Variants in ATAD2 observed in about 807,000 individuals in gnomAD.
ATAD2 encodes ATPase family AAA domain-containing protein 2.
Under a neutral mutation model 168.9 loss-of-function variants are expected in ATAD2, and 62 were observed. That is an observed-to-expected ratio of 0.37 (90% CI 0.30 to 0.45). The LOEUF (loss-of-function observed/expected upper bound fraction) is 0.45. Among genes scored for constraint, ATAD2 ranks in the 20% least tolerant of loss-of-function variants. The probability of loss-of-function intolerance (pLI) is 1.00; values close to 1 mark genes in which losing one functional copy is unlikely to be tolerated. For synonymous variants in ATAD2, 613 were observed against 571.6 expected, an observed-to-expected ratio of 1.07 and a Z score of -1.03; for missense variants, 1,419 against 1,667.8, an observed-to-expected ratio of 0.85 and a Z score of 2.60.
intron 19 of ATAD2, among the ~76,000 whole-genome samples, chr8:123,341,407 C>A (rs1828057645): frequency 6.6e-6 from 1 of 152,126 alleles, no homozygotes; most frequent in South Asian, 2.1e-4. Flanking sequence ...ATCTTTATTT[C>A]AAATCTCAAA....
chr8:123,384,634 C>T (rs1002638990), intron 1 of ATAD2, among the ~76,000 whole-genome samples: 1 of 152,224 alleles, frequency 6.6e-6, no homozygotes, highest in African/African-American at 2.4e-5. Flanking sequence ...CCATGCAAGG[C>T]ATTTTCAAGA....
In ATAD2 at chr8:123,336,539, T is replaced by G. The variant is rs745600838; in HGVS notation, c.3052-7A>C. On this transcript the variant is annotated splice_polypyrimidine_tract_variant and splice_region_variant and intron_variant, in intron 21 of 27. Coordinates refer to ENST00000287394, the MANE Select transcript of ATAD2 (RefSeq NM_014109.4). ...CAGTGACATAATCAGGAACCTAAAA[T>G]TCAAGCAAATGATCAAATCACAAAA... 2 of 1,493,606 alleles carry G rather than the reference T, an allele frequency of 1.3e-6. No homozygotes were observed. Among genetic ancestry groups the G allele is most frequent in the South Asian group, 2.9e-5 (2 of 69,516 alleles). The allele number at this position is 1,493,606 out of a possible 1,614,324, so 92.5% of individuals were successfully genotyped here.
intron 19 of ATAD2, among the ~76,000 whole-genome samples, chr8:123,343,912 G>A (rs1331895634): frequency 6.6e-6 from 1 of 152,220 alleles, no homozygotes; most frequent in Non-Finnish European, 1.5e-5. Flanking sequence ...TGACAGGCAA[G>A]TATGTAAGAG....
chr8:123,326,173 T>TTC, intron 25 of ATAD2, 147 bp from the exon 26 acceptor site: 1 of 818,748 alleles, frequency 1.2e-6, no homozygotes, highest in Non-Finnish European at 1.9e-6. Flanking sequence ...TGTTATAAGA[T>TTC]TAAGATACTG....
chr8:123,393,330 G>C (rs1377945750), intron 1 of ATAD2, among the ~76,000 whole-genome samples: 1 of 152,016 alleles, frequency 6.6e-6, no homozygotes, highest in Admixed American at 6.6e-5. Context: ...GAGCAACATA[G>C]TGAGACTCCA....
intron 1 of ATAD2, among the ~76,000 whole-genome samples, chr8:123,383,855 G>A (rs776033352): frequency 1.3e-5 from 2 of 151,742 alleles, no homozygotes; most frequent in Non-Finnish European, 2.9e-5. Flanking sequence ...AGGCTGAGGC[G>A]AGGGGCTCAT....
At chr8:123,346,786 G>C in intron 16 of ATAD2, 36 bp from the exon 17 acceptor site, 1 of 1,537,542 alleles carries the variant, frequency 6.5e-7, no homozygotes, top group Non-Finnish European at 8.8e-7. Flanking sequence ...AGTAACTTTT[G>C]GATTGCAAAG....
At chr8:123,381,756 T>C (rs903583779) in intron 1 of ATAD2, among the ~76,000 whole-genome samples, 4 of 151,938 alleles carry the variant, frequency 2.6e-5, no homozygotes, top group Non-Finnish European at 4.4e-5. Flanking sequence ...CAAAAAAAGA[T>C]AGGGCCAGGC....
At chr8:123,399,796 G>C (rs1157869717), upstream of ATAD2, among the ~76,000 whole-genome samples, 3 of 152,014 alleles carry the variant, frequency 2.0e-5, no homozygotes, top group Non-Finnish European at 2.9e-5. Context: ...AGAGGTTGCG[G>C]TGAGCCGAGA....
chr8:123,358,723 C>CTTTT (rs772822406), intron 11 of ATAD2, among the ~76,000 whole-genome samples: 21 of 76,838 alleles, frequency 2.7e-4, no homozygotes, highest in Admixed American at 8.4e-4. Flanking sequence ...TGGTACATTA[C>CTTTT]TTTTTTTTTT....
intron 19 of ATAD2, 174 bp downstream of exon 19, chr8:123,344,710 A>T: frequency 1.5e-6 from 1 of 684,752 alleles, no homozygotes; most frequent in Non-Finnish European, 2.5e-6. Context: ...ACATATACAT[A>T]TACCATCTTG....
At chr8:123,353,332 C>T (rs1251149071) in intron 13 of ATAD2, among the ~76,000 whole-genome samples, 2 of 152,128 alleles carry the variant, frequency 1.3e-5, no homozygotes, top group African/African-American at 4.8e-5. Context: ...CCACTGCACT[C>T]CAGCCTGGGT....
At chr8:123,330,591 T>C (rs1827751540) in intron 24 of ATAD2, among the ~76,000 whole-genome samples, 1 of 151,886 alleles carries the variant, frequency 6.6e-6, no homozygotes, top group South Asian at 2.1e-4. Flanking sequence ...CTCGATCACA[T>C]GACCTCGTGA....
chr8:123,395,558 T>C (rs1215436036), intron 1 of ATAD2, among the ~76,000 whole-genome samples: 2 of 152,330 alleles, frequency 1.3e-5, no homozygotes, highest in East Asian at 3.9e-4. Context: ...ATCCGTTTCT[T>C]CATCTGTCAA....
chr8:123,331,599 GGTACTACAGCT>G (rs1481315173), intron 24 of ATAD2, among the ~76,000 whole-genome samples: 3 of 152,088 alleles, frequency 2.0e-5, no homozygotes, highest in Non-Finnish European at 4.4e-5. Flanking sequence ...GAAAGGGCAG[GGTACTACAGCT>G]GCAGACCTCA....
chr8:123,412,377 C>T (rs1454385908), intron 1 of ATAD2, among the ~76,000 whole-genome samples: 3 of 152,158 alleles, frequency 2.0e-5, no homozygotes, highest in African/African-American at 7.2e-5. Context: ...TTACACCCTG[C>T]TCAGAGCTAT....
At chr8:123,403,465 G>A (rs747594265) in intron 1 of ATAD2, among the ~76,000 whole-genome samples, 7 of 148,760 alleles carry the variant, frequency 4.7e-5, no homozygotes, top group Non-Finnish European at 7.4e-5. Context: ...TCCCTATGTT[G>A]CCCAGGCTGC....
At chr8:123,400,828 G>T (rs1456754852), upstream of ATAD2, 4 of 1,235,632 alleles carry the variant, frequency 3.2e-6, no homozygotes, top group East Asian at 9.3e-5. This position sits in a 1 kb window ranked among gnomAD's most constrained non-coding sequence, Gnocchi z 4.5. Context: ...GATGGCTCTG[G>T]TGGGAGGTAT....
At chr8:123,362,977 C>T (rs1439282901) in intron 8 of ATAD2, among the ~76,000 whole-genome samples, 1 of 152,022 alleles carries the variant, frequency 6.6e-6, no homozygotes, top group Non-Finnish European at 1.5e-5. Context: ...AAATAAGATG[C>T]CAGATATTAC....
Sources: allele counts gnomAD v4.1 joint callset (sites outside exome capture counted in the v4.1 genomes callset), GRCh38; gene constraint gnomAD v4.1.1; non-coding constraint Gnocchi (gnomAD v3.1); transcripts MANE v1.5; gene names NCBI Gene and HGNC (gene_info 2026-07-23, HGNC 2026-07-21).